IL1RAPL1: variants seen among roughly 807,000 people sequenced by gnomAD.
The protein encoded by IL1RAPL1 is interleukin 1 receptor accessory protein like 1.
In IL1RAPL1, 3 loss-of-function variants were observed where a neutral mutation model predicts 48.4. That is an observed-to-expected ratio of 0.06 (90% CI 0.03 to 0.16). IL1RAPL1 has a LOEUF of 0.16. Ranked by LOEUF, IL1RAPL1 falls within the 10% of genes least tolerant of loss-of-function variation. The pLI is 1.00. For synonymous variants in IL1RAPL1, 185 were observed against 187.7 expected (o/e 0.99, Z 0.12); for missense variants, 349 against 530.6 (o/e 0.66, Z 3.36).
At chrX:29,325,280 A>G (rs766377102) in intron 3 of IL1RAPL1, among the ~76,000 whole-genome samples, 3 of 112,250 alleles carry the variant, frequency 2.7e-5, no homozygotes, top group African/African-American at 9.7e-5. Flanking sequence ...AGCACTATAT[A>G]TGTTTTTAAA....
intron 5 of IL1RAPL1, among the ~76,000 whole-genome samples, chrX:29,487,666 A>G (rs1021524319): frequency 8.9e-6 from 1 of 112,457 alleles, no homozygotes; most frequent in African/African-American, 3.2e-5. Flanking sequence ...ATAATCTAGC[A>G]TGTTGTGGTT....
chrX:29,759,522 CA>C (rs1286758701), intron 6 of IL1RAPL1, among the ~76,000 whole-genome samples: 1 of 111,074 alleles, frequency 9.0e-6, no homozygotes, highest in African/African-American at 3.3e-5. Context: ...TGCAAAATGC[CA>C]AAAGAAAAGC....
At chrX:28,749,756 T>C (rs1268473462) in intron 1 of IL1RAPL1, among the ~76,000 whole-genome samples, 1 of 110,598 alleles carries the variant, frequency 9.0e-6, no homozygotes, top group African/African-American at 3.3e-5. Context: ...TTTGATGTAA[T>C]TCCATTTGTC....
At chrX:28,916,862 T>G (rs2147335097) in intron 2 of IL1RAPL1, among the ~76,000 whole-genome samples, 1 of 112,548 alleles carries the variant, frequency 8.9e-6, no homozygotes, top group Admixed American at 9.4e-5. Flanking sequence ...TTTTTAAAAC[T>G]AACATTTCTA....
At position 28,745,514 on chromosome X, in the gene IL1RAPL1, GAAATTT is replaced by G. The variant is rs765494012; in HGVS notation, c.-24-43804_-24-43799del. Among the ~76,000 whole-genome samples the G allele has an allele frequency of 2.9e-3, 324 of 111,649 alleles. 2 individuals are homozygous for G. The highest frequency in any genetic ancestry group is 4.1e-3 in the Non-Finnish European group (218 of 53,130). Reference sequence around the variant, plus strand: ...TTTTTTGTAAAGATGTGAGGTTTATGAAATTTAGTCTTTAATATGTAGATGTCAAAT... The same window carrying G: ...TTTTTTGTAAAGATGTGAGGTTTATGAGTCTTTAATATGTAGATGTCAAAT... On this transcript the variant is annotated intron_variant, in intron 1 of 10. Transcript: ENST00000378993.
At chrX:29,904,651 T>A (rs1273587258) in intron 6 of IL1RAPL1, among the ~76,000 whole-genome samples, 1 of 111,525 alleles carries the variant, frequency 9.0e-6, no homozygotes, top group African/African-American at 3.3e-5. Context: ...GTTAGTTTGC[T>A]GAGGATGATG....
At position 29,954,585 on chromosome X, in the gene IL1RAPL1, A is replaced by G; in HGVS notation, c.1265A>G (p.Glu422Gly). ...TKVDPDQWNQ[E>G]TGEEERFALE... ...GTGGATCCTGACCAGTGGAATCAAG[A>G]GACTGGGGAAGAAGAACGTTTTGCC... is the stretch of plus-strand genomic sequence containing the variant. The change falls in exon 10 of 11, where the codon GAG becomes GGG. Residue 422 changes from glutamate (E) to glycine (G), a missense_variant. Glu to Gly is a moderately conservative substitution (Grantham distance 98). Transcript: ENST00000378993. 1 of 1,202,450 alleles carries G rather than the reference A, an allele frequency of 8.3e-7. No individual in the cohort carries two copies. Among genetic ancestry groups the G allele is most frequent in the Non-Finnish European group, 1.1e-6 (1 of 886,857 alleles).
At chrX:28,641,898 T>C (rs1223138572) in intron 1 of IL1RAPL1, among the ~76,000 whole-genome samples, 2 of 111,067 alleles carry the variant, frequency 1.8e-5, no homozygotes, top group African/African-American at 6.5e-5. Flanking sequence ...CATATCGATG[T>C]GCTGTATTCA....
chrX:29,872,234 A>G (rs981183614), intron 6 of IL1RAPL1, among the ~76,000 whole-genome samples: 3 of 111,464 alleles, frequency 2.7e-5, no homozygotes, highest in African/African-American at 9.8e-5. Context: ...TATCCATGAC[A>G]TCAATTTGGT....
At chrX:28,762,138 G>A (rs1024700523) in intron 1 of IL1RAPL1, among the ~76,000 whole-genome samples, 5 of 111,687 alleles carry the variant, frequency 4.5e-5, no homozygotes, top group African/African-American at 1.6e-4. Context: ...GATCTGAAAT[G>A]TTAAAATATA....
intron 2 of IL1RAPL1, among the ~76,000 whole-genome samples, chrX:28,826,226 T>A (rs1489443622): frequency 9.0e-6 from 1 of 111,710 alleles, no homozygotes; most frequent in African/African-American, 3.2e-5. Context: ...GTAGGGTTGA[T>A]ATATATTACT....
intron 2 of IL1RAPL1, among the ~76,000 whole-genome samples, chrX:29,101,705 A>T (rs1311179754): frequency 9.0e-6 from 1 of 111,267 alleles, no homozygotes; most frequent in African/African-American, 3.3e-5. Context: ...GGAGGCCGAG[A>T]CGGGAGGATC....
At chrX:29,311,704 T>C (rs1037838195) in intron 3 of IL1RAPL1, among the ~76,000 whole-genome samples, 14 of 111,448 alleles carry the variant, frequency 1.3e-4, no homozygotes, top group Non-Finnish European at 2.5e-4. Context: ...AAGAAAAAAA[T>C]TTATTTATTT....
At chrX:29,394,639 T>C (rs1325242311) in intron 3 of IL1RAPL1, among the ~76,000 whole-genome samples, 1 of 112,087 alleles carries the variant, frequency 8.9e-6, no homozygotes, top group Non-Finnish European at 1.9e-5. Flanking sequence ...GTAGTAATTA[T>C]CATATTGAAT....
intron 3 of IL1RAPL1, among the ~76,000 whole-genome samples, chrX:29,339,963 T>C (rs1933050678): frequency 8.9e-6 from 1 of 111,816 alleles, no homozygotes; most frequent in Non-Finnish European, 1.9e-5. Context: ...GGGCAAAATA[T>C]AAGGTCAGAG....
chrX:29,321,292 A>G (rs1932802043), intron 3 of IL1RAPL1, among the ~76,000 whole-genome samples: 1 of 111,942 alleles, frequency 8.9e-6, no homozygotes, highest in Non-Finnish European at 1.9e-5. Flanking sequence ...ATGTCTTTCA[A>G]GAAGTGGTTT....
chrX:29,802,752 T>G (rs1157221852), intron 6 of IL1RAPL1, among the ~76,000 whole-genome samples: 3 of 17,672 alleles, frequency 1.7e-4, no homozygotes, highest in African/African-American at 3.9e-4. Flanking sequence ...AAAAATTATA[T>G]ATATATATAT....
chrX:29,803,002 CATATATACAT>C (rs1569173369), intron 6 of IL1RAPL1, among the ~76,000 whole-genome samples: 3 of 66,811 alleles, frequency 4.5e-5, no homozygotes, highest in Admixed American at 1.6e-4. Flanking sequence ...TATATGTATG[CATATATACAT>C]ATGTGTACAT....
chrX:29,325,889 A>G (rs1932839358), intron 3 of IL1RAPL1, among the ~76,000 whole-genome samples: 1 of 111,304 alleles, frequency 9.0e-6, no homozygotes, highest in East Asian at 2.8e-4. Flanking sequence ...TGAGGGAGAA[A>G]GAGTGGGGAG....
Sources: allele counts gnomAD v4.1 joint callset (sites outside exome capture counted in the v4.1 genomes callset), GRCh38; gene constraint gnomAD v4.1.1; transcripts MANE v1.5; gene names NCBI Gene and HGNC (gene_info 2026-07-23, HGNC 2026-07-21).